GRID2: variants seen among roughly 807,000 people sequenced by gnomAD.
GRID2 encodes glutamate receptor ionotropic, delta-2.
A neutral mutation model predicts 114.8 loss-of-function variants in GRID2; 33 were observed. The observed-to-expected ratio is 0.29, with a 90% CI of 0.22 to 0.38. The LOEUF is 0.38. Among genes scored for constraint, GRID2 ranks in the 10% least tolerant of loss-of-function variants. The pLI is 1.00. For synonymous variants in GRID2, 505 were observed against 449.9 expected, an observed-to-expected ratio of 1.12 and a Z score of -1.55; for missense variants, 1,184 against 1,257.7, an observed-to-expected ratio of 0.94 and a Z score of 0.89.
chr4:92,971,905 A>T (rs1454620019), intron 2 of GRID2, among the ~76,000 whole-genome samples: 1 of 152,126 alleles, frequency 6.6e-6, no homozygotes, highest in Admixed American at 6.6e-5. Flanking sequence ...TCTATTGTGT[A>T]TATGTACCAC....
chr4:92,612,700 T>A (rs1729814674), intron 2 of GRID2, among the ~76,000 whole-genome samples: 1 of 151,546 alleles, frequency 6.6e-6, no homozygotes, highest in Non-Finnish European at 1.5e-5. Context: ...TTATTCATTT[T>A]GATATTGTGA....
intron 2 of GRID2, among the ~76,000 whole-genome samples, chr4:93,073,016 G>A (rs1351647502): frequency 2.6e-5 from 4 of 152,172 alleles, no homozygotes; most frequent in African/African-American, 4.8e-5. Context: ...GAGGTCAAAT[G>A]TTGCAAGTAA....
chr4:93,674,674 T>G (rs1396910337), intron 14 of GRID2, among the ~76,000 whole-genome samples: 1 of 152,068 alleles, frequency 6.6e-6, no homozygotes, highest in Non-Finnish European at 1.5e-5. Context: ...CCTGTTAACT[T>G]TTCTTACATA....
chr4:92,416,892 T>A (rs1731645519), intron 1 of GRID2, among the ~76,000 whole-genome samples: 1 of 152,152 alleles, frequency 6.6e-6, no homozygotes, highest in African/African-American at 2.4e-5. Flanking sequence ...GCATGGTATT[T>A]TTTGGCTGCA....
intron 14 of GRID2, among the ~76,000 whole-genome samples, chr4:93,719,249 T>C (rs1275033124): frequency 6.6e-6 from 1 of 152,136 alleles, no homozygotes; most frequent in African/African-American, 2.4e-5. Context: ...AAGTTGAATC[T>C]AACTCAATTT....
chr4:92,676,562 A>G (rs1045387154), intron 2 of GRID2, among the ~76,000 whole-genome samples: 1 of 152,000 alleles, frequency 6.6e-6, no homozygotes, highest in Admixed American at 6.6e-5. Context: ...ATGTCCTTGA[A>G]GTTCACTGTT....
intron 2 of GRID2, among the ~76,000 whole-genome samples, chr4:92,979,791 C>A (rs1409263264): frequency 6.6e-6 from 1 of 152,138 alleles, no homozygotes; most frequent in Non-Finnish European, 1.5e-5. Flanking sequence ...GCTCACATTG[C>A]TTGTGCATTT....
At chr4:93,667,643 C>A (rs1724064832) in intron 14 of GRID2, among the ~76,000 whole-genome samples, 1 of 151,890 alleles carries the variant, frequency 6.6e-6, no homozygotes, top group Non-Finnish European at 1.5e-5. Context: ...ACTGTTACTT[C>A]CATTTGCTGA....
chr4:92,920,616 T>G (rs1272613683), intron 2 of GRID2, among the ~76,000 whole-genome samples: 1 of 152,204 alleles, frequency 6.6e-6, no homozygotes, highest in Admixed American at 6.5e-5. Context: ...AGGCTTAGTT[T>G]GGCTGGATAT....
At chr4:93,140,437 C>T (rs200298305) in intron 4 of GRID2, among the ~76,000 whole-genome samples, 1 of 152,130 alleles carries the variant, frequency 6.6e-6, no homozygotes, top group African/African-American at 2.4e-5. Flanking sequence ...GGATTACAGG[C>T]GTGAGCCACC....
At chr4:93,785,795 C>G (rs1734579654) in intron 1 of GRID2, among the ~76,000 whole-genome samples, 1 of 151,956 alleles carries the variant, frequency 6.6e-6, no homozygotes, top group Non-Finnish European at 1.5e-5. Flanking sequence ...GTGTGGCAAT[C>G]CACCTAGAGG....
At position 93,184,035 on chromosome 4, in the gene GRID2, CTG is replaced by C. The variant is rs1740155035; in HGVS notation, c.736-23366_736-23365del. Among the ~76,000 whole-genome samples the C allele has an allele frequency of 3.3e-5, 5 of 152,108 alleles. No homozygotes were observed. In the South Asian group the frequency reaches 8.3e-4, roughly 25 times the overall value. ...AGGGCGATTAGAAAAGGAGCAGTAACTGTGGATGAGGAAGTGAAGCCTTCCCA... is the reference window on the plus strand; with the variant it reads ...AGGGCGATTAGAAAAGGAGCAGTAACTGGATGAGGAAGTGAAGCCTTCCCA... On this transcript the variant is annotated intron_variant, in intron 4 of 15. Coordinates refer to ENST00000282020, the MANE Select transcript of GRID2 (RefSeq NM_001510.4).
At chr4:92,454,734 G>A (rs1183391098) in intron 1 of GRID2, among the ~76,000 whole-genome samples, 1 of 152,202 alleles carries the variant, frequency 6.6e-6, no homozygotes, top group Non-Finnish European at 1.5e-5. Context: ...TATTCTGGAG[G>A]CTGAGGCAGG....
chr4:93,272,562 T>C (rs1751576337), intron 8 of GRID2, among the ~76,000 whole-genome samples: 1 of 152,160 alleles, frequency 6.6e-6, no homozygotes, highest in Admixed American at 6.5e-5. Context: ...TTCTAAGATC[T>C]TCCAAAGACT....
At position 93,106,018 on chromosome 4, in the gene GRID2, A is replaced by G. The variant is rs542266261; in HGVS notation, c.530-4730A>G. ...AGTTCCTTTATAGTGTCATGGAAAA[A>G]ACATCTTCCTCCTCCCCCAGTCTTA... On this transcript the variant is annotated intron_variant, in intron 3 of 15. Transcript: ENST00000282020. 3.9e-5 allele frequency among the ~76,000 whole-genome samples: 6 copies of G among 152,208 alleles called. No homozygotes were observed. In the East Asian group the frequency reaches 1.2e-3, roughly 29 times the overall value.
intron 2 of GRID2, among the ~76,000 whole-genome samples, chr4:92,927,363 C>T (rs1041186158): frequency 6.6e-6 from 1 of 151,812 alleles, no homozygotes; most frequent in Non-Finnish European, 1.5e-5. Flanking sequence ...GGCAGAACTT[C>T]TTGGGACAAA....
chr4:92,998,815 A>G (rs944610987), intron 2 of GRID2, among the ~76,000 whole-genome samples: 1 of 150,778 alleles, frequency 6.6e-6, no homozygotes, highest in Non-Finnish European at 1.5e-5. Flanking sequence ...TATGTTAAAG[A>G]GGATCATTTA....
chr4:92,467,483 C>A (rs1721812802), intron 1 of GRID2, among the ~76,000 whole-genome samples: 1 of 151,876 alleles, frequency 6.6e-6, no homozygotes, highest in Non-Finnish European at 1.5e-5. Flanking sequence ...GACCACTACC[C>A]CTTGAGTGAG....
At chr4:93,431,355 G>A (rs1769389367) in intron 10 of GRID2, among the ~76,000 whole-genome samples, 1 of 152,006 alleles carries the variant, frequency 6.6e-6, no homozygotes, top group South Asian at 2.1e-4. Flanking sequence ...GGAGTAAGAG[G>A]ATCACTGGGC....
Sources: allele counts gnomAD v4.1 joint callset (sites outside exome capture counted in the v4.1 genomes callset), GRCh38; gene constraint gnomAD v4.1.1; transcripts MANE v1.5; gene names NCBI Gene and HGNC (gene_info 2026-07-23, HGNC 2026-07-21).